Variants in VAT1L observed in about 807,000 individuals in gnomAD.
VAT1L encodes vesicle amine transport 1 like, also known as putative NADPH-dependent quinone oxidoreductase VAT1L.
A neutral mutation model predicts 44.1 loss-of-function variants in VAT1L; 34 were observed. That is an observed-to-expected ratio of 0.77 (90% CI 0.59 to 1.03). The LOEUF is 1.03. Among genes scored for constraint, VAT1L ranks in the 50% least tolerant of loss-of-function variants. The pLI, the probability that VAT1L is intolerant of heterozygous loss-of-function variation, is 0.00. For missense variants in VAT1L, 615 were observed against 538.8 expected (o/e 1.14, Z -1.40); for synonymous variants, 253 against 202.2 (o/e 1.25, Z -2.13).
In VAT1L at chr16:77,824,743, G is replaced by A. The variant is rs1374998680; in HGVS notation, c.364-503G>A. ...TGCCCTCCAGCCTGGGTGACAGAGCGAGACTCCATCTCAAAAAAAAAAAAA... is the reference window on the plus strand; with the variant it reads ...TGCCCTCCAGCCTGGGTGACAGAGCAAGACTCCATCTCAAAAAAAAAAAAA... On this transcript the variant is annotated intron_variant, in intron 2 of 8. Transcript: ENST00000302536. 8.4e-5 allele frequency among the ~76,000 whole-genome samples: 11 copies of A among 130,178 alleles called. No individual in the cohort carries two copies. The East Asian group carries it at 1.6e-3, about 19-fold the overall frequency. 85.4% of individuals were successfully genotyped at this position (130,178 alleles called of 152,430 possible). A position where few individuals can be genotyped will look rare whatever the true frequency, so the allele number is the denominator to read the frequency against.
chr16:77,855,288 C>T (rs994101103), intron 3 of VAT1L, among the ~76,000 whole-genome samples: 21 of 150,550 alleles, frequency 1.4e-4, no homozygotes, highest in East Asian at 2.0e-4. Flanking sequence ...TACGGTGAGC[C>T]GAGATCGTGC....
intron 7 of VAT1L, among the ~76,000 whole-genome samples, chr16:77,951,405 G>A (rs999799611): frequency 3.3e-5 from 5 of 152,164 alleles, no homozygotes; most frequent in African/African-American, 9.7e-5. Context: ...AAGTAGCCAG[G>A]TGTGGTGGCG....
intron 1 of VAT1L, among the ~76,000 whole-genome samples, chr16:77,802,619 C>CAA (rs200133396): frequency 0.042 from 809 of 19,222 alleles, 4 homozygotes; most frequent in African/African-American, 0.11. Flanking sequence ...ATCTCAAACA[C>CAA]ACACACACAC....
At chr16:77,925,227 G>A (rs1463974651) in intron 7 of VAT1L, among the ~76,000 whole-genome samples, 2 of 152,100 alleles carry the variant, frequency 1.3e-5, no homozygotes, top group Non-Finnish European at 2.9e-5. Context: ...GTGCAGCCTG[G>A]AGAGTGAGGG....
chr16:77,951,476 G>A (rs542905765), intron 7 of VAT1L, among the ~76,000 whole-genome samples: 6 of 152,332 alleles, frequency 3.9e-5, no homozygotes, highest in African/African-American at 1.4e-4. Flanking sequence ...AACCCAAGAA[G>A]TGGGGGTTGC....
intron 1 of VAT1L, among the ~76,000 whole-genome samples, chr16:77,803,394 A>AAACAACC (rs936960242): frequency 6.6e-6 from 1 of 151,556 alleles, no homozygotes. Flanking sequence ...GTTCCTATTG[A>AAACAACC]AACAACCATT....
chr16:77,830,243 G>T (rs990555874), intron 3 of VAT1L, among the ~76,000 whole-genome samples: 1 of 152,112 alleles, frequency 6.6e-6, no homozygotes, highest in Admixed American at 6.5e-5. Flanking sequence ...CTGAACCTCT[G>T]TGCCTTTTCA....
chr16:77,795,957 C>A (rs527645698), intron 1 of VAT1L, among the ~76,000 whole-genome samples: 1 of 151,518 alleles, frequency 6.6e-6, no homozygotes, highest in Non-Finnish European at 1.5e-5. Flanking sequence ...TCCCAAGTAG[C>A]TGGGATTACA....
intron 7 of VAT1L, among the ~76,000 whole-genome samples, chr16:77,940,128 T>C (rs1160847133): frequency 6.6e-6 from 1 of 152,178 alleles, no homozygotes; most frequent in African/African-American, 2.4e-5. Context: ...AAGAAAGCTT[T>C]GGCCAGTGAT....
At chr16:77,862,711 T>A in intron 3 of VAT1L, 37 bp from the exon 4 acceptor site, 1 of 1,593,806 alleles carries the variant, frequency 6.3e-7, no homozygotes. Flanking sequence ...ATCTGGTGGC[T>A]CCTATGTGTG....
At chr16:77,933,717 G>A (rs543547442) in intron 7 of VAT1L, among the ~76,000 whole-genome samples, 1 of 152,226 alleles carries the variant, frequency 6.6e-6, no homozygotes, top group Non-Finnish European at 1.5e-5. Flanking sequence ...GGATTAACAA[G>A]TGCAAAGGCC....
chr16:77,975,629 G>C (rs867476876), intron 8 of VAT1L, among the ~76,000 whole-genome samples: 1 of 152,228 alleles, frequency 6.6e-6, no homozygotes, highest in East Asian at 1.9e-4. Context: ...CCCAGGCAGG[G>C]GAAGTCGACT....
chr16:77,865,270 G>T (rs1597073651), intron 4 of VAT1L, among the ~76,000 whole-genome samples: 1 of 152,124 alleles, frequency 6.6e-6, no homozygotes, highest in South Asian at 2.1e-4. Context: ...CGCCCGGTCA[G>T]TTCTTCCTAT....
At chr16:77,809,822 C>T (rs940319148) in intron 1 of VAT1L, among the ~76,000 whole-genome samples, 2 of 152,190 alleles carry the variant, frequency 1.3e-5, no homozygotes, top group African/African-American at 4.8e-5. Flanking sequence ...AGGATGTCAG[C>T]TAGTCTTGTG....
In VAT1L at chr16:77,907,123, G is replaced by C. The variant is rs1281482844; in HGVS notation, c.1077+22321G>C. Among the ~76,000 whole-genome samples the C allele has an allele frequency of 2.0e-5, 3 of 152,160 alleles. No homozygotes were observed. The East Asian group carries it at 5.8e-4, about 29-fold the overall frequency. On this transcript the variant is annotated intron_variant, in intron 7 of 8. Transcript: ENST00000302536. The stretch of plus-strand genomic sequence containing the variant: ...AAAAAAGCCCTGCTGTGTAGCATTG[G>C]CCAATTTCCACGCTGTAAATACTCC...
At chr16:77,958,781 A>C (rs1328448082) in intron 7 of VAT1L, among the ~76,000 whole-genome samples, 5 of 152,222 alleles carry the variant, frequency 3.3e-5, no homozygotes, top group Admixed American at 3.3e-4. Flanking sequence ...CAGTTGCTCC[A>C]TCCAGATTAC....
intron 7 of VAT1L, among the ~76,000 whole-genome samples, chr16:77,963,971 G>C (rs917676274): frequency 1.3e-5 from 2 of 152,100 alleles, no homozygotes; most frequent in African/African-American, 4.8e-5. Flanking sequence ...ATAGTGGCTG[G>C]TTAGGGACTT....
In VAT1L at chr16:77,884,681, T is replaced by C; in HGVS notation, c.956T>C (p.Leu319Ser). Residue 319 changes from leucine to serine, a missense_variant, in exon 7 of 9, where the codon TTA becomes TCA. Leu to Ser is a moderately radical substitution (Grantham distance 145). Transcript: ENST00000302536. This position sits in a 1 kb window ranked among gnomAD's most constrained non-coding sequence, Gnocchi z 4.5. ...ENKVIAGFSLLNLLFKQGRAG... is the reference protein window; with the variant it reads ...ENKVIAGFSLSNLLFKQGRAG... ...AAAGTCATCGCGGGGTTTTCCCTTTTAAATCTGCTCTTCAAACAAGGCCGG... is the reference window on the plus strand; with the variant it reads ...AAAGTCATCGCGGGGTTTTCCCTTTCAAATCTGCTCTTCAAACAAGGCCGG... 1 of 1,613,140 alleles carries C rather than the reference T, an allele frequency of 6.2e-7. No individual in the cohort carries two copies. Among genetic ancestry groups the C allele is most frequent in the Non-Finnish European group, 8.5e-7 (1 of 1,179,654 alleles).
intron 7 of VAT1L, among the ~76,000 whole-genome samples, chr16:77,924,139 C>T (rs1037111002): frequency 4.6e-5 from 7 of 152,266 alleles, no homozygotes; most frequent in African/African-American, 9.6e-5. Context: ...CCCTTTCTCC[C>T]GGAGAAGCTA....
Sources: allele counts gnomAD v4.1 joint callset (sites outside exome capture counted in the v4.1 genomes callset), GRCh38; gene constraint gnomAD v4.1.1; non-coding constraint Gnocchi (gnomAD v3.1); transcripts MANE v1.5; gene names NCBI Gene and HGNC (gene_info 2026-07-23, HGNC 2026-07-21).